HDAC9: variants seen among roughly 807,000 people sequenced by gnomAD.
The protein encoded by HDAC9 is histone deacetylase 9.
HDAC9 carries 41 observed loss-of-function variants against 139.4 expected under a neutral mutation model. The ratio of observed to expected loss-of-function variants is 0.29; its 90% confidence interval spans 0.23 to 0.38. The LOEUF (loss-of-function observed/expected upper bound fraction) is 0.38, where lower values mean the gene tolerates loss of function less well. Among genes scored for constraint, HDAC9 ranks in the 10% least tolerant of loss-of-function variants. The probability of loss-of-function intolerance (pLI) is 1.00; values close to 1 mark genes in which losing one functional copy is unlikely to be tolerated. For missense variants in HDAC9, 1,147 were observed against 1,297.0 expected, an observed-to-expected ratio of 0.88 and a Z score of 1.78; for synonymous variants, 517 against 476.2, an observed-to-expected ratio of 1.09 and a Z score of -1.12.
At chr7:18,993,145 T>TAGGGACAGA (rs56743908) in intron 25 of HDAC9, among the ~76,000 whole-genome samples, 8 of 151,470 alleles carry the variant, frequency 5.3e-5, no homozygotes, top group Non-Finnish European at 1.0e-4. Context: ...ACATATTTTT[T>TAGGGACAGA]GATTATATGA....
At chr7:18,708,989 A>G (rs1209193441) in intron 12 of HDAC9, among the ~76,000 whole-genome samples, 1 of 152,138 alleles carries the variant, frequency 6.6e-6, no homozygotes, top group Non-Finnish European at 1.5e-5. Context: ...ATTCATACAT[A>G]TGACTTGAAA....
chr7:18,321,723 G>A (rs1800044023), intron 1 of HDAC9, among the ~76,000 whole-genome samples: 1 of 152,036 alleles, frequency 6.6e-6, no homozygotes, highest in African/African-American at 2.4e-5. Context: ...TCTCTTTCCT[G>A]AACTAAGCCA....
chr7:18,602,628 T>G (rs1237103337), intron 6 of HDAC9, among the ~76,000 whole-genome samples: 1 of 152,114 alleles, frequency 6.6e-6, no homozygotes, highest in Non-Finnish European at 1.5e-5. Context: ...ATCCCACAGA[T>G]TTTGATAAGT....
At chr7:18,445,804 C>T (rs28439334) in intron 1 of HDAC9, among the ~76,000 whole-genome samples, 3 of 152,140 alleles carry the variant, frequency 2.0e-5, no homozygotes, top group African/African-American at 7.2e-5. Flanking sequence ...TAGTTGACAG[C>T]AATATTTGAA....
intron 1 of HDAC9, among the ~76,000 whole-genome samples, chr7:18,471,478 A>C (rs879674293): frequency 6.6e-6 from 1 of 152,212 alleles, no homozygotes; most frequent in Non-Finnish European, 1.5e-5. Context: ...AGCAACATCT[A>C]TAAGTATGAA....
chr7:18,476,704 A>G (rs947330446), intron 1 of HDAC9, among the ~76,000 whole-genome samples: 1 of 152,200 alleles, frequency 6.6e-6, no homozygotes. Flanking sequence ...TTCTTCCCTT[A>G]ATATTTCTCC....
chr7:18,953,175 G>A (rs1482659455), intron 23 of HDAC9, among the ~76,000 whole-genome samples: 1 of 152,040 alleles, frequency 6.6e-6, no homozygotes, highest in Admixed American at 6.6e-5. Context: ...TCCCATTCGT[G>A]CCATATTATA....
intron 14 of HDAC9, among the ~76,000 whole-genome samples, chr7:18,753,535 C>G (rs1788625383): frequency 6.6e-6 from 1 of 152,026 alleles, no homozygotes; most frequent in South Asian, 2.1e-4. Context: ...GTCAGCTTTC[C>G]TCAACCAACA....
intron 2 of HDAC9, among the ~76,000 whole-genome samples, chr7:18,533,974 A>G (rs1385250327): frequency 6.6e-6 from 1 of 152,094 alleles, no homozygotes; most frequent in East Asian, 1.9e-4. Flanking sequence ...TCTTTATTTT[A>G]ATGTAGTAGG....
At chr7:18,224,159 G>T (rs1245220176) in intron 2 of HDAC9, among the ~76,000 whole-genome samples, 3 of 152,174 alleles carry the variant, frequency 2.0e-5, no homozygotes, top group Non-Finnish European at 4.4e-5. Flanking sequence ...CATTTTGACA[G>T]TGGGTACATG....
chr7:18,847,598 A>C (rs552681124), intron 21 of HDAC9, among the ~76,000 whole-genome samples: 1 of 152,280 alleles, frequency 6.6e-6, no homozygotes, highest in African/African-American at 2.4e-5. Flanking sequence ...ACTCTACAAA[A>C]TTAAATCCCA....
chr7:18,628,971 C>T lies in HDAC9; in HGVS notation c.665-379C>T, dbSNP rs190205047. On this transcript the variant is annotated intron_variant, in intron 6 of 25. Transcript: ENST00000686413. The stretch of plus-strand genomic sequence containing the variant: ...CTCTTTTAGTGGTTATTAAGTTTCA[C>T]CCTTGAGAGAATTAAGAGGCCTGAC... Among the ~76,000 whole-genome samples, 604 of 152,194 alleles carry T rather than the reference C, an allele frequency of 4.0e-3. 1 individual carries two copies. Among genetic ancestry groups the T allele is most frequent in the Non-Finnish European group, 6.9e-3 (466 of 67,996 alleles).
intron 21 of HDAC9, among the ~76,000 whole-genome samples, chr7:18,861,557 A>C (rs1798111014): frequency 6.6e-6 from 1 of 152,098 alleles, no homozygotes; most frequent in Non-Finnish European, 1.5e-5. Flanking sequence ...TACTATTCTC[A>C]CAGACAATGT....
chr7:18,090,802 A>T (rs1389081884), intron 1 of HDAC9, among the ~76,000 whole-genome samples: 2 of 152,196 alleles, frequency 1.3e-5, no homozygotes, highest in African/African-American at 4.8e-5. Flanking sequence ...TTATGGAATT[A>T]TCTAGTCATT....
chr7:18,297,108 G>T (rs184577599), intron 1 of HDAC9, among the ~76,000 whole-genome samples: 2 of 152,148 alleles, frequency 1.3e-5, no homozygotes, highest in Non-Finnish European at 2.9e-5. Flanking sequence ...AGAAACTTCC[G>T]TGTAGGTACG....
chr7:18,785,342 A>G (rs1331354660), intron 16 of HDAC9, among the ~76,000 whole-genome samples: 1 of 151,640 alleles, frequency 6.6e-6, no homozygotes, highest in Non-Finnish European at 1.5e-5. Flanking sequence ...AAAAAAAACC[A>G]TGCATCGTAG....
intron 9 of HDAC9, among the ~76,000 whole-genome samples, chr7:18,647,335 C>T (rs149355309): frequency 8.2e-4 from 124 of 152,140 alleles, no homozygotes; most frequent in African/African-American, 2.6e-3. Flanking sequence ...ATGTATACAT[C>T]GTAGAGTGAC....
chr7:18,997,307 A>C lies in HDAC9; in HGVS notation c.*1245A>C, dbSNP rs1052832654. ...AAGCTGTGCCTTCTTGTGAAAAAAA[A>C]AAAAAACAAAAACAAAAAACAGCCT... On this transcript the variant is annotated 3_prime_UTR_variant, in exon 26 of 26. Coordinates refer to ENST00000686413, the MANE Select transcript of HDAC9 (RefSeq NM_178425.4). The C allele has an allele frequency of 2.0e-5, 3 of 151,966 alleles. No individual in the cohort carries two copies. The highest frequency in any genetic ancestry group is 2.0e-4 in the Admixed American group (3 of 15,268). 9.4% of individuals were successfully genotyped at this position (151,966 alleles called of 1,614,324 possible). A position where few individuals can be genotyped will look rare whatever the true frequency, so the allele number is the denominator to read the frequency against.
chr7:18,825,962 A>G (rs1272566580), intron 17 of HDAC9, among the ~76,000 whole-genome samples: 1 of 151,048 alleles, frequency 6.6e-6, no homozygotes, highest in Non-Finnish European at 1.5e-5. Context: ...TCTCAATACA[A>G]TGTCTATAAT....
Sources: allele counts gnomAD v4.1 joint callset (sites outside exome capture counted in the v4.1 genomes callset), GRCh38; gene constraint gnomAD v4.1.1; transcripts MANE v1.5; gene names NCBI Gene and HGNC (gene_info 2026-07-23, HGNC 2026-07-21).